MGAT5: variants seen among roughly 807,000 people sequenced by gnomAD.
MGAT5 encodes alpha-1,6-mannosylglycoprotein 6-beta-N-acetylglucosaminyltransferase A.
In MGAT5, 30 loss-of-function variants were observed where a neutral mutation model predicts 94.3. That is an observed-to-expected ratio of 0.32 (90% CI 0.24 to 0.43). The LOEUF (loss-of-function observed/expected upper bound fraction) is 0.43, where lower values mean the gene tolerates loss of function less well. Among genes scored for constraint, MGAT5 ranks in the 20% least tolerant of loss-of-function variants. The pLI is 1.00. For synonymous variants in MGAT5, 310 were observed against 322.9 expected (o/e 0.96, Z 0.43); for missense variants, 691 against 905.5 (o/e 0.76, Z 3.04).
At chr2:134,160,502 C>T (rs574669981) in intron 1 of MGAT5, among the ~76,000 whole-genome samples, 3 of 152,300 alleles carry the variant, frequency 2.0e-5, no homozygotes, top group East Asian at 3.9e-4. Context: ...CTGGCTCACC[C>T]AAACTGCTCA....
intron 10 of MGAT5, among the ~76,000 whole-genome samples, chr2:134,398,638 T>C (rs912772849): frequency 1.3e-5 from 2 of 152,216 alleles, no homozygotes; most frequent in African/African-American, 4.8e-5. Context: ...CCCATGTTTA[T>C]TGCAGCACTA....
intron 1 of MGAT5, among the ~76,000 whole-genome samples, chr2:134,174,614 G>A (rs1381614332): frequency 6.6e-6 from 1 of 152,190 alleles, no homozygotes; most frequent in Non-Finnish European, 1.5e-5. Context: ...TTTTCCTGTT[G>A]GCATCAAAGA....
chr2:134,261,979 A>G (rs917637336), intron 1 of MGAT5, among the ~76,000 whole-genome samples: 3 of 152,184 alleles, frequency 2.0e-5, no homozygotes, highest in Admixed American at 6.5e-5. Context: ...TGATCCTAAC[A>G]TGGGAACCAT....
At chr2:134,309,956 T>C (rs887386549) in intron 2 of MGAT5, among the ~76,000 whole-genome samples, 3 of 152,208 alleles carry the variant, frequency 2.0e-5, no homozygotes, top group African/African-American at 7.2e-5. Context: ...GAATTGTGAT[T>C]TGAAATTTTA....
At chr2:134,123,397 G>C (rs1045339674) in intron 1 of MGAT5, among the ~76,000 whole-genome samples, 2 of 152,202 alleles carry the variant, frequency 1.3e-5, no homozygotes, top group African/African-American at 4.8e-5. Context: ...GCAGAGATGT[G>C]TAGAAAACTG....
At chr2:134,344,034 A>T (rs932219246) in intron 7 of MGAT5, among the ~76,000 whole-genome samples, 11 of 152,206 alleles carry the variant, frequency 7.2e-5, no homozygotes, top group African/African-American at 2.7e-4. Flanking sequence ...CAGAGCTGTC[A>T]AGCAGAGTCC....
intron 10 of MGAT5, among the ~76,000 whole-genome samples, chr2:134,391,711 A>G (rs1412203671): frequency 6.6e-6 from 1 of 152,252 alleles, no homozygotes; most frequent in Non-Finnish European, 1.5e-5. Context: ...TTTGGGGGAC[A>G]CAGACAATTA....
chr2:134,125,990 G>T (rs2104881760), intron 1 of MGAT5, among the ~76,000 whole-genome samples: 1 of 152,344 alleles, frequency 6.6e-6, no homozygotes, highest in Middle Eastern at 3.4e-3. Flanking sequence ...GGAGTGACCT[G>T]GAAGAGGTAT....
chr2:134,171,525 A>G lies in MGAT5; in HGVS notation c.-143+51234A>G, dbSNP rs531939157. On this transcript the variant is annotated intron_variant, in intron 1 of 16. Coordinates refer to the MGAT5 transcript ENST00000409645. ...GGATTTGGATCCTAACAAGTGAGAT[A>G]ATAATTTTTAGACAAATGCCTCTGG... 4.1e-4 allele frequency among the ~76,000 whole-genome samples: 62 copies of G among 152,298 alleles called. No individual in the cohort carries two copies. The South Asian group carries it at 7.9e-3, about 19-fold the overall frequency.
chr2:134,190,130 C>A (rs940051780), intron 1 of MGAT5, among the ~76,000 whole-genome samples: 3 of 152,140 alleles, frequency 2.0e-5, no homozygotes, highest in African/African-American at 7.2e-5. Flanking sequence ...AATAAATGCA[C>A]CCCAACTTTG....
chr2:134,387,690 AAGG>A (rs151174410), intron 10 of MGAT5, among the ~76,000 whole-genome samples: 2,622 of 152,208 alleles, frequency 0.017, 32 homozygotes, highest in Non-Finnish European at 0.027. Flanking sequence ...TGTTGGAGGG[AAGG>A]AGAAGAATCA....
intron 1 of MGAT5, chr2:134,231,251 C>G (rs944350849): frequency 3.3e-5 from 5 of 152,226 alleles, no homozygotes; most frequent in African/African-American, 1.2e-4. Flanking sequence ...GGAAGCTAAG[C>G]AGAGTTGAGC....
At chr2:134,215,244 T>C (rs1489143367) in intron 1 of MGAT5, among the ~76,000 whole-genome samples, 2 of 152,244 alleles carry the variant, frequency 1.3e-5, no homozygotes, top group Non-Finnish European at 2.9e-5. Context: ...TAGTATATGA[T>C]ATACACATTG....
At chr2:134,220,281 T>A (rs78166032) in intron 1 of MGAT5, among the ~76,000 whole-genome samples, 4,146 of 152,288 alleles carry the variant, frequency 0.027, 180 homozygotes, top group African/African-American at 0.095. Flanking sequence ...CAGAGTAGTG[T>A]CCTTGGGCAC....
intron 1 of MGAT5, among the ~76,000 whole-genome samples, chr2:134,239,093 G>C (rs1049948585): frequency 2.0e-5 from 3 of 152,178 alleles, no homozygotes; most frequent in Non-Finnish European, 4.4e-5. Flanking sequence ...CTGACTCTCA[G>C]CTTCAAGCAA....
chr2:134,285,792 A>T (rs899220253), intron 2 of MGAT5, among the ~76,000 whole-genome samples: 1 of 151,984 alleles, frequency 6.6e-6, no homozygotes, highest in Non-Finnish European at 1.5e-5. Flanking sequence ...GGAAGATGGG[A>T]ATTTAGCTCT....
At chr2:134,167,734 T>G (rs1688025737) in intron 1 of MGAT5, among the ~76,000 whole-genome samples, 1 of 152,228 alleles carries the variant, frequency 6.6e-6, no homozygotes. Flanking sequence ...ATACTGCAAA[T>G]GAACATTAAA....
chr2:134,341,916 T>C (rs2106005687), intron 7 of MGAT5, among the ~76,000 whole-genome samples, 157 bp downstream of exon 7: 1 of 152,266 alleles, frequency 6.6e-6, no homozygotes, highest in South Asian at 2.1e-4. Flanking sequence ...AGGAGCTAAA[T>C]ACATACACTG....
At chr2:134,314,600 G>A (rs1573775172) in intron 2 of MGAT5, among the ~76,000 whole-genome samples, 1 of 152,320 alleles carries the variant, frequency 6.6e-6, no homozygotes, top group East Asian at 1.9e-4. Flanking sequence ...GACATGAGCA[G>A]GAGGCCAGGG....
Sources: gnomAD v4.1 joint callset for allele counts (sites outside exome capture counted in the v4.1 genomes callset) on GRCh38, gnomAD v4.1.1 for gene constraint, MANE v1.5 for transcripts, NCBI Gene and HGNC (gene_info 2026-07-23, HGNC 2026-07-21) for gene names.